CELF1: variants seen among roughly 807,000 people sequenced by gnomAD.
The protein encoded by CELF1 is CUGBP Elav-like family member 1.
In CELF1, 10 loss-of-function variants were observed where a neutral mutation model predicts 61.8. The observed-to-expected ratio is 0.16, with a 90% CI of 0.10 to 0.27. The LOEUF is 0.27. Among genes scored for constraint, CELF1 ranks in the 10% least tolerant of loss-of-function variants. The pLI is 1.00. For synonymous variants in CELF1, 236 were observed against 225.1 expected, an observed-to-expected ratio of 1.05 and a Z score of -0.43; for missense variants, 380 against 639.1, an observed-to-expected ratio of 0.59 and a Z score of 4.37.
At position 47,469,781 on chromosome 11, in the gene CELF1, A is replaced by G. The variant is rs187305704; in HGVS notation, c.*2449T>C. On this transcript the variant is annotated 3_prime_UTR_variant, in exon 15 of 15. Coordinates refer to ENST00000687097, the MANE Select transcript of CELF1 (RefSeq NM_001376376.1). Reference sequence around the variant, plus strand: ...AGGTATGAAGCCCTCAGGGTCTGGTATCAAAGGTGGGTGGATTGCACCTTG... The same window carrying G: ...AGGTATGAAGCCCTCAGGGTCTGGTGTCAAAGGTGGGTGGATTGCACCTTG... 1.3e-5 allele frequency: 2 copies of G among 152,402 alleles called. No homozygotes were observed. The highest frequency in any genetic ancestry group is 1.3e-4 in the Admixed American group (2 of 15,302). 9.4% of individuals were successfully genotyped at this position (152,402 alleles called of 1,614,324 possible).
intron 1 of CELF1, among the ~76,000 whole-genome samples, chr11:47,521,658 GA>G (rs1471630936): frequency 6.6e-6 from 1 of 152,172 alleles, no homozygotes; most frequent in African/African-American, 2.4e-5. Flanking sequence ...CTGACACATA[GA>G]AAGTGCTCAA....
intron 1 of CELF1, among the ~76,000 whole-genome samples, chr11:47,541,729 CGAAAGAAAGAACGAA>C: frequency 0.01 from 95 of 9,214 alleles, 17 homozygotes; most frequent in African/African-American, 0.022. Context: ...AAAGAAAGAA[CGAAAGAAAGAACGAA>C]AGAAAGAAAG....
chr11:47,508,792 C>T (rs980749853), intron 1 of CELF1, among the ~76,000 whole-genome samples: 12 of 152,074 alleles, frequency 7.9e-5, no homozygotes, highest in African/African-American at 2.2e-4. Flanking sequence ...TGTTTTGAGA[C>T]GGAGTTTCGC....
At chr11:47,519,862 C>T (rs1441102239) in intron 1 of CELF1, among the ~76,000 whole-genome samples, 1 of 105,088 alleles carries the variant, frequency 9.5e-6, no homozygotes, top group African/African-American at 3.6e-5. Flanking sequence ...GACTCCGTCT[C>T]AAAAAAAAAA....
chr11:47,527,050 T>TAA (rs779124412), intron 1 of CELF1, among the ~76,000 whole-genome samples: 1 of 126,792 alleles, frequency 7.9e-6, no homozygotes, highest in Non-Finnish European at 1.7e-5. Context: ...AAACTCCGTC[T>TAA]AAAAAAAAAA....
At chr11:47,564,190 A>G (rs1598767100) in intron 2 of CELF1, among the ~76,000 whole-genome samples, 1 of 150,048 alleles carries the variant, frequency 6.7e-6, no homozygotes, top group South Asian at 2.1e-4. Context: ...AAAAAAAAAA[A>G]AAAAGAAAGC....
At chr11:47,542,496 ATTTT>A (rs112443041) in intron 1 of CELF1, among the ~76,000 whole-genome samples, 3 of 121,796 alleles carry the variant, frequency 2.5e-5, no homozygotes, top group Admixed American at 8.5e-5. Flanking sequence ...TACTTTCTCC[ATTTT>A]TTTTTTTTTT....
chr11:47,493,552 A>G (rs1239843323), intron 3 of CELF1, among the ~76,000 whole-genome samples: 1 of 151,760 alleles, frequency 6.6e-6, no homozygotes, highest in Non-Finnish European at 1.5e-5. Context: ...GCACACACAC[A>G]AGGTGTGGCC....
intron 1 of CELF1, among the ~76,000 whole-genome samples, chr11:47,539,022 A>C (rs1224579713): frequency 6.6e-6 from 1 of 152,170 alleles, no homozygotes; most frequent in Non-Finnish European, 1.5e-5. Flanking sequence ...AAGCCCATCA[A>C]CATTTTTTTA....
rs2077410683 is a variant in CELF1 at position 47,470,311 on chromosome 11, CTTTT to C, written c.*1915_*1918del. ...CTTTTTTTTTTTTGTTTTCTTTTTTCTTTTTTATTTTTATTTTTTGCATTTATTT... is the reference window on the plus strand; with the variant it reads ...CTTTTTTTTTTTTGTTTTCTTTTTTCTTATTTTTATTTTTTGCATTTATTT... On this transcript the variant is annotated 3_prime_UTR_variant, in exon 15 of 15. Transcript: ENST00000687097. 1 of 146,392 alleles carries C rather than the reference CTTTT, an allele frequency of 6.8e-6. No homozygotes were observed. Among genetic ancestry groups the C allele is most frequent in the Non-Finnish European group, 1.5e-5 (1 of 66,396 alleles). 9.1% of individuals were successfully genotyped at this position (146,392 alleles called of 1,614,324 possible).
At chr11:47,475,067 C>T (rs1006795668) in intron 13 of CELF1, among the ~76,000 whole-genome samples, 11 of 152,202 alleles carry the variant, frequency 7.2e-5, no homozygotes, top group African/African-American at 2.2e-4. Flanking sequence ...ATGTGTCAGA[C>T]CCGATAAGGT....
intron 11 of CELF1, 81 bp downstream of exon 11, chr11:47,477,216 T>A: frequency 1.3e-6 from 2 of 1,494,786 alleles, no homozygotes; most frequent in Non-Finnish European, 1.8e-6. Flanking sequence ...GTTAACTATT[T>A]TCCCTCTCTG....
rs1249581700 is a variant in CELF1 at position 47,488,851 on chromosome 11, G to A, written c.245C>T (p.Pro82Leu). ...AAAGCCCTAACCTTTGCTCTGAGGC[G>A]GGTTTTGGCTCCTATCCCTTAGGAC... Reference protein sequence around the residue: ...INVLRDRSQNPPQSKGCCFVT... With the variant: ...INVLRDRSQNLPQSKGCCFVT... Residue 82 changes from proline to leucine, a missense_variant, in exon 4 of 15, where the codon CCG becomes CTG. Pro to Leu is a moderately conservative substitution (Grantham distance 98). Transcript: ENST00000687097. 1 of 1,555,786 alleles carries A rather than the reference G, an allele frequency of 6.4e-7. No homozygotes were observed. Among genetic ancestry groups the A allele is most frequent in the Non-Finnish European group, 8.7e-7 (1 of 1,153,440 alleles).
At chr11:47,522,715 T>G (rs1194753395) in intron 1 of CELF1, among the ~76,000 whole-genome samples, 2 of 150,814 alleles carry the variant, frequency 1.3e-5, no homozygotes, top group Non-Finnish European at 2.9e-5. Context: ...TAGTCGCAGC[T>G]ACTCAGAGGC....
At chr11:47,537,363 T>TGAA (rs1359774731) in intron 1 of CELF1, among the ~76,000 whole-genome samples, 1 of 151,234 alleles carries the variant, frequency 6.6e-6, no homozygotes, top group Non-Finnish European at 1.5e-5. Flanking sequence ...TTCTCCTGCC[T>TGAA]CAGCCTCCTG....
At chr11:47,527,615 T>C (rs1213043163) in intron 1 of CELF1, among the ~76,000 whole-genome samples, 1 of 152,216 alleles carries the variant, frequency 6.6e-6, no homozygotes, top group Non-Finnish European at 1.5e-5. Context: ...TCATTGTATA[T>C]ACTGACTTCA....
chr11:47,481,483 C>A (rs2083215464), intron 9 of CELF1, among the ~76,000 whole-genome samples: 2 of 152,076 alleles, frequency 1.3e-5, no homozygotes, highest in Admixed American at 6.6e-5. Flanking sequence ...TGGAACTAAA[C>A]CAAAATTCAG....
chr11:47,475,298 G>A (rs373919936), intron 13 of CELF1, 38 bp downstream of exon 13: 29 of 1,599,730 alleles, frequency 1.8e-5, no homozygotes, highest in East Asian at 1.1e-4. Context: ...GAGGAAAACC[G>A]CCCCCCATAC....
intron 13 of CELF1, among the ~76,000 whole-genome samples, chr11:47,474,308 A>G (rs1410175427): frequency 1.3e-5 from 2 of 152,128 alleles, no homozygotes; most frequent in African/African-American, 4.8e-5. Context: ...TTGCTGCCTC[A>G]GGGCCTCTGT....
Sources: gnomAD v4.1 joint callset for allele counts (sites outside exome capture counted in the v4.1 genomes callset) on GRCh38, gnomAD v4.1.1 for gene constraint, MANE v1.5 for transcripts, NCBI Gene and HGNC (gene_info 2026-07-23, HGNC 2026-07-21) for gene names.